SNCAIP: variants seen among roughly 807,000 people sequenced by gnomAD.
SNCAIP encodes the protein synuclein alpha interacting protein.
A neutral mutation model predicts 86.7 loss-of-function variants in SNCAIP; 43 were observed. The ratio of observed to expected loss-of-function variants is 0.50; its 90% CI spans 0.39 to 0.64. The LOEUF (loss-of-function observed/expected upper bound fraction) is 0.64, where lower values mean the gene tolerates loss of function less well. Among genes scored for constraint, SNCAIP ranks in the 30% least tolerant of loss-of-function variants. The pLI, the probability that SNCAIP is intolerant of heterozygous loss-of-function variation, is 0.00. For synonymous variants in SNCAIP, 417 were observed against 427.2 expected (o/e 0.98, Z 0.29); for missense variants, 981 against 1,103.1 (o/e 0.89, Z 1.57).
In SNCAIP at chr5:122,451,021, C is replaced by A. The variant is rs1783593456; in HGVS notation, c.2174C>A (p.Thr725Asn). Residue 725 changes from threonine to asparagine, a missense_variant, in exon 10 of 11, where the codon ACC becomes AAC. Thr to Asn is a moderately conservative substitution (Grantham distance 65). Transcript: ENST00000261368. ...CTGCACCTGATGATTAAGAAACACA[C>A]CTTGGCATCAGGGGGACGCAGGTTT... ...ESLHLMIKKH[T>N]LASGGRRFPF... is the part of the protein sequence containing the mutation. The A allele has an allele frequency of 6.2e-7, 1 of 1,614,048 alleles. No individual in the cohort carries two copies. The highest frequency in any genetic ancestry group is 1.7e-5 in the Admixed American group (1 of 60,002).
At chr5:122,321,632 C>CA (rs1479677361) in intron 1 of SNCAIP, 1 of 152,184 alleles carries the variant, frequency 6.6e-6, no homozygotes, top group Non-Finnish European at 1.5e-5. Flanking sequence ...CATTAATGAA[C>CA]AAAGGAGGGA....
intron 2 of SNCAIP, among the ~76,000 whole-genome samples, chr5:122,395,242 T>G (rs891407899): frequency 6.6e-6 from 1 of 152,196 alleles, no homozygotes. Context: ...ACCCTAAATT[T>G]ATACACATAC....
chr5:122,367,714 G>A (rs1227936143), intron 1 of SNCAIP, among the ~76,000 whole-genome samples: 5 of 152,142 alleles, frequency 3.3e-5, no homozygotes, highest in South Asian at 2.1e-4. Flanking sequence ...GCACTTTCCC[G>A]TTTCAAGCAG....
chr5:122,422,917 G>T lies in SNCAIP; in HGVS notation c.180G>T (p.Thr60=), dbSNP rs754791570. Residue 60 remains threonine, a synonymous_variant, in exon 4 of 11, where the codon ACG becomes ACT. Coordinates refer to ENST00000261368, the MANE Select transcript of SNCAIP (RefSeq NM_005460.4). The part of the protein sequence containing the change: ...NCGISTLITN[T]QKPTGIADVY... ...GCATCTCAACTCTTATTACAAACAC[G>T]CAAAAGCCCACAGGAATCGCTGATG... 6.2e-7 allele frequency: 1 copy of T among 1,613,980 alleles called. No homozygotes were observed. Among genetic ancestry groups the T allele is most frequent in the Non-Finnish European group, 8.5e-7 (1 of 1,179,888 alleles).
chr5:122,344,142 C>G (rs1758134132), intron 1 of SNCAIP, among the ~76,000 whole-genome samples: 2 of 152,128 alleles, frequency 1.3e-5, no homozygotes, highest in Admixed American at 1.3e-4. Flanking sequence ...TGTTCTCCTC[C>G]TCCGCTAAAA....
chr5:122,380,414 A>G (rs1766448313), intron 1 of SNCAIP, among the ~76,000 whole-genome samples: 1 of 151,408 alleles, frequency 6.6e-6, no homozygotes, highest in African/African-American at 2.4e-5. Context: ...TATTGTGTCT[A>G]TTTGATTCTT....
chr5:122,433,735 T>A (rs1363837064), intron 6 of SNCAIP, among the ~76,000 whole-genome samples: 1 of 152,204 alleles, frequency 6.6e-6, no homozygotes, highest in Non-Finnish European at 1.5e-5. Flanking sequence ...AGGCATGACG[T>A]AAGGATGTCA....
rs140725051 is a variant in SNCAIP, at chr5:122,351,029, C to T, written c.-47+38745C>T. ...AAATATGTGTCTAGCACATCAATTA[C>T]TATGACCCAGATCTCATATTACTCT... On this transcript the variant is annotated intron_variant, in intron 1 of 10. Coordinates refer to ENST00000261368, the MANE Select transcript of SNCAIP (RefSeq NM_005460.4). Among the ~76,000 whole-genome samples, 323 of 152,312 alleles carry T rather than the reference C, an allele frequency of 2.1e-3. 3 individuals are homozygous for T. Among genetic ancestry groups the T allele is most frequent in the African/African-American group, 7.5e-3 (311 of 41,580 alleles).
chr5:122,385,682 TGTGTG>T (rs1223332719), intron 1 of SNCAIP, among the ~76,000 whole-genome samples: 1 of 115,080 alleles, frequency 8.7e-6, no homozygotes, highest in Admixed American at 7.7e-5. Flanking sequence ...TATGTGTGTG[TGTGTG>T]TGTGTGTGTG....
At chr5:122,432,434 T>C (rs1439651925) in intron 6 of SNCAIP, among the ~76,000 whole-genome samples, 1 of 152,102 alleles carries the variant, frequency 6.6e-6, no homozygotes, top group Non-Finnish European at 1.5e-5. Context: ...AAATTAATAC[T>C]AAAAAAATTA....
chr5:122,386,726 T>C (rs1285934779), intron 1 of SNCAIP, among the ~76,000 whole-genome samples: 1 of 152,074 alleles, frequency 6.6e-6, no homozygotes, highest in Non-Finnish European at 1.5e-5. Context: ...TCTCTATCAG[T>C]TTTCCTACCC....
intron 1 of SNCAIP, among the ~76,000 whole-genome samples, chr5:122,329,948 C>T (rs936051068): frequency 2.0e-5 from 3 of 152,000 alleles, no homozygotes; most frequent in Non-Finnish European, 4.4e-5. Context: ...GTCTAGCTCA[C>T]TCATTTGCTA....
intron 2 of SNCAIP, among the ~76,000 whole-genome samples, chr5:122,400,477 C>T (rs1771563435): frequency 6.6e-6 from 1 of 152,166 alleles, no homozygotes. Flanking sequence ...GTGTGCCATG[C>T]ACATATACAA....
chr5:122,361,953 T>C (rs1272023264), intron 1 of SNCAIP, among the ~76,000 whole-genome samples: 1 of 152,224 alleles, frequency 6.6e-6, no homozygotes, highest in Non-Finnish European at 1.5e-5. Flanking sequence ...AGGGGATAGA[T>C]TCAGTTTGGG....
intron 10 of SNCAIP, among the ~76,000 whole-genome samples, chr5:122,460,112 T>C (rs553432896): frequency 1.5e-4 from 23 of 152,034 alleles, no homozygotes; most frequent in South Asian, 2.1e-4. Flanking sequence ...AATGACACTA[T>C]GTGGCAGATA....
At chr5:122,331,044 A>G (rs1273227312) in intron 1 of SNCAIP, among the ~76,000 whole-genome samples, 1 of 152,120 alleles carries the variant, frequency 6.6e-6, no homozygotes, top group African/African-American at 2.4e-5. Flanking sequence ...ATGAGAATCT[A>G]ATGCCACTGC....
At chr5:122,351,559 A>AAAAAAAAAAAAAAAAAAAG in intron 1 of SNCAIP, among the ~76,000 whole-genome samples, 1 of 148,834 alleles carries the variant, frequency 6.7e-6, no homozygotes, top group Non-Finnish European at 1.5e-5. Context: ...AAAAAAAAAA[A>AAAAAAAAAAAAAAAAAAAG]AAAAAAAGAA....
At chr5:122,380,052 C>T (rs555998836) in intron 1 of SNCAIP, among the ~76,000 whole-genome samples, 10 of 151,844 alleles carry the variant, frequency 6.6e-5, no homozygotes, top group African/African-American at 2.2e-4. Context: ...ATGCTGGCCT[C>T]ATAAAATGAG....
At chr5:122,401,748 C>T (rs1184058667) in intron 2 of SNCAIP, among the ~76,000 whole-genome samples, 2 of 152,168 alleles carry the variant, frequency 1.3e-5, no homozygotes, top group East Asian at 3.9e-4. Flanking sequence ...AGTGACTCAC[C>T]TAGGCTAGTG....
Sources: allele counts gnomAD v4.1 joint callset (sites outside exome capture counted in the v4.1 genomes callset), GRCh38; gene constraint gnomAD v4.1.1; transcripts MANE v1.5; gene names NCBI Gene and HGNC (gene_info 2026-07-23, HGNC 2026-07-21).